The following CFI variants were observed in gnomAD, a reference collection of about 807,000 sequenced individuals.
CFI encodes complement factor I, also known as C3B/C4B inactivator.
In CFI, 66 loss-of-function variants were observed where a neutral mutation model predicts 78.8. That is an observed-to-expected ratio of 0.84 (90% CI 0.69 to 1.03). The LOEUF (loss-of-function observed/expected upper bound fraction) is 1.03, where lower values mean the gene tolerates loss of function less well. Ranked by LOEUF, CFI falls within the 50% of genes least tolerant of loss-of-function variation. CFI has a pLI of 0.00. For synonymous variants in CFI, 250 were observed against 232.6 expected (o/e 1.07, Z -0.68); for missense variants, 706 against 704.5 (o/e 1.00, Z -0.02).
intron 11 of CFI, among the ~76,000 whole-genome samples, chr4:109,743,911 A>G (rs1392073219): frequency 6.6e-6 from 1 of 152,006 alleles, no homozygotes; most frequent in African/African-American, 2.4e-5. Context: ...CTTGAGCCCC[A>G]GAGCTCAAGG....
chr4:109,762,597 C>T (rs1727228467), intron 3 of CFI: 1 of 151,734 alleles, frequency 6.6e-6, no homozygotes, highest in African/African-American at 2.4e-5. Flanking sequence ...TAAATGGAAA[C>T]AAAAATAGAA....
intron 11 of CFI, 38 bp from the exon 12 acceptor site, chr4:109,742,633 A>T: frequency 7.7e-7 from 1 of 1,292,552 alleles, no homozygotes. Context: ...AGAAGTCACA[A>T]ATGAGAAATC....
At chr4:109,761,440 C>G (rs1727041694) in intron 4 of CFI, 77 bp downstream of exon 4, 2 of 1,391,080 alleles carry the variant, frequency 1.4e-6, no homozygotes, top group African/African-American at 2.8e-5. Context: ...AGGCATCAAT[C>G]ATTTGTTTAC....
intron 1 of CFI, among the ~76,000 whole-genome samples, chr4:109,788,290 G>C (rs928922976): frequency 3.3e-5 from 5 of 152,056 alleles, no homozygotes; most frequent in African/African-American, 1.2e-4. Context: ...TATCCAGAAA[G>C]ATATTGGCTA....
Position 109,760,437 on chromosome 4 carries a change from A to G in CFI, c.773-57T>C, listed in dbSNP as rs1427064556. 99 of 1,503,992 alleles carry G rather than the reference A, an allele frequency of 6.6e-5. 2 individuals are homozygous for G. In the South Asian group the frequency reaches 1.1e-3, roughly 16 times the overall value. 93.2% of individuals were successfully genotyped at this position (1,503,992 alleles called of 1,614,324 possible). On this transcript the variant is annotated intron_variant, in intron 5 of 12. Coordinates refer to ENST00000394634, the MANE Select transcript of CFI (RefSeq NM_000204.5). ...CATTCCTTAAAGTTGAATGAGGTAC[A>G]ATATAAAATTCAATAGTAAAGTTGC...
At chr4:109,743,392 T>TTGAGGCAGCTCTCCGACGGTAGC (rs1724040374) in intron 11 of CFI, among the ~76,000 whole-genome samples, 1 of 152,210 alleles carries the variant, frequency 6.6e-6, no homozygotes, top group Admixed American at 6.5e-5. Context: ...TGTAAGCTTC[T>TTGAGGCAGCTCTCCGACGGTAGC]TGAGGCAGCT....
chr4:109,744,726 C>A (rs935205620), intron 11 of CFI, among the ~76,000 whole-genome samples: 1 of 152,046 alleles, frequency 6.6e-6, no homozygotes, highest in Non-Finnish European at 1.5e-5. Context: ...TGTAATGAAC[C>A]CTTTTATAAA....
intron 1 of CFI, among the ~76,000 whole-genome samples, chr4:109,783,834 T>TATATATATATATA (rs57344652): frequency 2.4e-4 from 34 of 139,712 alleles, no homozygotes; most frequent in African/African-American, 3.2e-4. Context: ...TATATATATA[T>TATATATATATATA]GATGGAATAC....
intron 10 of CFI, 83 bp from the exon 11 acceptor site, chr4:109,746,585 C>A: frequency 8.2e-7 from 1 of 1,225,326 alleles, no homozygotes; most frequent in South Asian, 1.5e-5. Flanking sequence ...TATATTTTTC[C>A]CTTTTAAAAA....
At chr4:109,778,885 A>C (rs896678869) in intron 1 of CFI, among the ~76,000 whole-genome samples, 1 of 152,216 alleles carries the variant, frequency 6.6e-6, no homozygotes, top group Non-Finnish European at 1.5e-5. Flanking sequence ...AAAAAACTAC[A>C]TGATTATCTC....
intron 1 of CFI, among the ~76,000 whole-genome samples, chr4:109,773,213 C>G (rs77048983): frequency 0.019 from 2,926 of 152,256 alleles, 104 homozygotes; most frequent in African/African-American, 0.067. Context: ...CCCAGACCCA[C>G]AGTAGGCTTT....
chr4:109,787,923 A>G (rs1045043753), intron 1 of CFI, among the ~76,000 whole-genome samples: 1 of 152,224 alleles, frequency 6.6e-6, no homozygotes. Context: ...AACAGGTTCA[A>G]AAATGTGCCT....
At position 109,760,625 on chromosome 4, in the gene CFI, C is replaced by T. The variant is rs190001845; in HGVS notation, c.670G>A (p.Asp224Asn). The T allele has an allele frequency of 3.8e-6, 6 of 1,573,866 alleles. No individual in the cohort carries two copies. The highest frequency in any genetic ancestry group is 8.7e-7 in the Non-Finnish European group (1 of 1,143,502). Residue 224 changes from aspartate (D) to asparagine (N), a missense_variant, in exon 5 of 13, where the codon GAT (aspartate) becomes AAT (asparagine). Coordinates refer to ENST00000394634, the MANE Select transcript of CFI (RefSeq NM_000204.5). ...CCATTCACACACTGAAAGAAGTCAT[C>T]CATTGGAGAATCTGTAAAGCAGGAA... Reference protein sequence around the residue: ...CYTQKADSPMDDFFQCVNGKY... With the variant: ...CYTQKADSPMNDFFQCVNGKY...
At chr4:109,731,613 T>TCCCTACAAACAGGGTAG in the CFI span, among the ~76,000 whole-genome samples, 1 of 152,156 alleles carries the variant, frequency 6.6e-6, no homozygotes, top group African/African-American at 2.4e-5. Context: ...AAGGCATTCC[T>TCCCTACAAACAGGGTAG]CCCTACAAAC....
Position 109,746,216 on chromosome 4 carries a change from A to T in CFI, c.1429+6T>A. ...GCTTCTGATTAACAAACTGTAAAAC[A>T]TATACCTTTTTCTCGTCCCCAGCCA... On this transcript the variant is annotated splice_donor_region_variant and intron_variant, in intron 11 of 12. Coordinates refer to ENST00000394634, the MANE Select transcript of CFI (RefSeq NM_000204.5). 2 of 1,614,090 alleles carry T rather than the reference A, an allele frequency of 1.2e-6. No individual in the cohort carries two copies. Among genetic ancestry groups the T allele is most frequent in the Non-Finnish European group, 1.7e-6 (2 of 1,179,986 alleles).
At chr4:109,733,468 A>G in the CFI span, among the ~76,000 whole-genome samples, 13 of 152,320 alleles carry the variant, frequency 8.5e-5, no homozygotes, top group East Asian at 1.9e-3. Context: ...TAGCTTGTCT[A>G]TATATACTTT....
At chr4:109,771,958 G>A (rs1728658575) in intron 1 of CFI, among the ~76,000 whole-genome samples, 1 of 152,038 alleles carries the variant, frequency 6.6e-6, no homozygotes, top group South Asian at 2.1e-4. Flanking sequence ...GTTGAGGAGG[G>A]GATAGGAGAA....
At chr4:109,794,592 A>G (rs563481111) in intron 1 of CFI, among the ~76,000 whole-genome samples, 1 of 152,242 alleles carries the variant, frequency 6.6e-6, no homozygotes, top group African/African-American at 2.4e-5. Context: ...CAGGAGTTCA[A>G]AACCAGCCTG....
intron 2 of CFI, 83 bp downstream of exon 2, chr4:109,766,471 A>C: frequency 1.3e-6 from 2 of 1,516,454 alleles, no homozygotes; most frequent in Non-Finnish European, 1.8e-6. Context: ...AACATACACA[A>C]GAGAATTATT....
Sources: allele counts gnomAD v4.1 joint callset (sites outside exome capture counted in the v4.1 genomes callset), GRCh38; gene constraint gnomAD v4.1.1; transcripts MANE v1.5; gene names NCBI Gene and HGNC (gene_info 2026-07-23, HGNC 2026-07-21).